The following BIRC6 variants were observed in gnomAD, a reference collection of about 807,000 sequenced individuals.
BIRC6 encodes the protein dual E2 ubiquitin-conjugating enzyme/E3 ubiquitin-protein ligase BIRC6.
BIRC6 carries 98 observed loss-of-function variants against 503.3 expected under a neutral mutation model. That is an observed-to-expected ratio of 0.19 (90% CI 0.17 to 0.23). The LOEUF (loss-of-function observed/expected upper bound fraction) is 0.23, where lower values mean the gene tolerates loss of function less well. BIRC6 is among the 10% of genes least tolerant of loss of function. The pLI, the probability that BIRC6 is intolerant of heterozygous loss-of-function variation, is 1.00. For missense variants in BIRC6, 5,360 were observed against 5,806.0 expected (o/e 0.92, Z 2.50); for synonymous variants, 2,240 against 2,078.7 (o/e 1.08, Z -2.11).
At chr2:32,546,569 A>T (rs1279055430) in intron 63 of BIRC6, among the ~76,000 whole-genome samples, 1 of 152,082 alleles carries the variant, frequency 6.6e-6, no homozygotes, top group Non-Finnish European at 1.5e-5. Context: ...GACAAGAGTG[A>T]AACTGTGTCT....
chr2:32,473,171 A>G lies in BIRC6; in HGVS notation c.6652A>G (p.Lys2218Glu). Residue 2218 changes from lysine to glutamate, a missense_variant, in exon 33 of 74, where the codon AAA becomes GAA. Lys to Glu is a moderately conservative substitution (Grantham distance 56). This residue lies in a region of BIRC6 where 2,299 missense variants were observed against 2,267.2 expected (regional missense o/e 1.01). Transcript: ENST00000421745. ...CACTCAGAGCTTAAATAGATCTTCTAAAGGCAGCAGTAGCCTTGATAGATT... is the reference window on the plus strand; with the variant it reads ...CACTCAGAGCTTAAATAGATCTTCTGAAGGCAGCAGTAGCCTTGATAGATT... ...LHTQSLNRSSKGSSSLDRLYS... is the reference protein window; with the variant it reads ...LHTQSLNRSSEGSSSLDRLYS... The G allele has an allele frequency of 3.2e-6, 5 of 1,574,078 alleles. No individual in the cohort carries two copies. The highest frequency in any genetic ancestry group is 4.3e-6 in the Non-Finnish European group (5 of 1,156,560).
chr2:32,414,664 C>T (rs1345333732), intron 9 of BIRC6, 105 bp from the exon 10 acceptor site: 35 of 905,168 alleles, frequency 3.9e-5, no homozygotes, highest in Non-Finnish European at 4.7e-5. Flanking sequence ...AAGAATTTGT[C>T]TCAAAAATAA....
rs2148946819 is a variant in BIRC6 at position 32,467,911 on chromosome 2, T to C, written c.5580T>C (p.Val1860=). 6.2e-7 allele frequency: 1 copy of C among 1,612,200 alleles called. No homozygotes were observed. The highest frequency in any genetic ancestry group is 8.5e-7 in the Non-Finnish European group (1 of 1,178,856). The change falls in exon 28 of 74, where the codon GTT becomes GTC. Residue 1860 remains valine (V), a synonymous_variant. Transcript: ENST00000421745. ...ATAATTTTTCATTTCAGATCACTGTTATTGGACGTTACGGGAGTACAAATG... is the reference window on the plus strand; with the variant it reads ...ATAATTTTTCATTTCAGATCACTGTCATTGGACGTTACGGGAGTACAAATG... ...PPVCRFMKIT[V]IGRYGSTNAR...
intron 22 of BIRC6, among the ~76,000 whole-genome samples, chr2:32,453,487 T>C (rs1325250926): frequency 1.3e-5 from 2 of 152,154 alleles, no homozygotes; most frequent in Non-Finnish European, 2.9e-5. Flanking sequence ...CCATTTGAGA[T>C]TGAAATTTTT....
chr2:32,594,238 C>T, intron 67 of BIRC6, 178 bp downstream of exon 67: 1 of 578,322 alleles, frequency 1.7e-6, no homozygotes, highest in South Asian at 3.1e-5. Flanking sequence ...CATGTATAGT[C>T]TAATTTTTAA....
At chr2:32,466,268 G>C (rs978355879) in intron 26 of BIRC6, among the ~76,000 whole-genome samples, 9 of 152,254 alleles carry the variant, frequency 5.9e-5, no homozygotes, top group African/African-American at 2.2e-4. Flanking sequence ...GGAAGAAAAA[G>C]AATTATGACA....
intron 30 of BIRC6, 31 bp downstream of exon 30, chr2:32,469,645 A>G: frequency 6.5e-7 from 1 of 1,533,850 alleles, no homozygotes; most frequent in Middle Eastern, 1.7e-4. Context: ...GGTATTTGTT[A>G]TTAATGATGT....
intron 65 of BIRC6, chr2:32,565,531 T>G (rs2150806360): frequency 6.6e-6 from 1 of 152,312 alleles, no homozygotes; most frequent in Non-Finnish European, 1.5e-5. Context: ...ATCCCTATAG[T>G]ACTAATCTAA....
At chr2:32,552,722 G>A (rs2058505698) in intron 65 of BIRC6, among the ~76,000 whole-genome samples, 1 of 152,080 alleles carries the variant, frequency 6.6e-6, no homozygotes, top group Non-Finnish European at 1.5e-5. Context: ...TTACTTGCAT[G>A]AGAGGTGGAG....
chr2:32,491,291 C>T (rs1433730558), intron 43 of BIRC6, 134 bp from the exon 44 acceptor site: 2 of 879,702 alleles, frequency 2.3e-6, no homozygotes, highest in Non-Finnish European at 3.3e-6. Flanking sequence ...ATAGTAGAAA[C>T]TGAAACCCCT....
At chr2:32,581,282 C>G (rs2060656139) in intron 66 of BIRC6, among the ~76,000 whole-genome samples, 3 of 152,098 alleles carry the variant, frequency 2.0e-5, no homozygotes, top group Non-Finnish European at 1.5e-5. Flanking sequence ...ATTTTGTGTC[C>G]TATCTACCCA....
At chr2:32,359,805 A>C (rs1168595772) in intron 1 of BIRC6, among the ~76,000 whole-genome samples, 3 of 152,008 alleles carry the variant, frequency 2.0e-5, no homozygotes, top group Non-Finnish European at 2.9e-5. Flanking sequence ...CCGGCCTCAA[A>C]TGATCCTCCC....
chr2:32,585,647 T>C (rs1456646056), intron 66 of BIRC6, among the ~76,000 whole-genome samples: 1 of 152,254 alleles, frequency 6.6e-6, no homozygotes, highest in Non-Finnish European at 1.5e-5. Context: ...CCCAAAGTGC[T>C]GGGATTACAG....
intron 61 of BIRC6, among the ~76,000 whole-genome samples, chr2:32,538,611 G>A (rs2057419898): frequency 6.6e-6 from 1 of 152,176 alleles, no homozygotes; most frequent in Non-Finnish European, 1.5e-5. Context: ...TTCAAATCAA[G>A]AGTTGATAGA....
intron 46 of BIRC6, among the ~76,000 whole-genome samples, chr2:32,501,368 T>C (rs1460167452): frequency 1.3e-5 from 2 of 152,198 alleles, no homozygotes; most frequent in Admixed American, 6.5e-5. Context: ...CTTATTTTTA[T>C]TGTTGGTGAT....
At chr2:32,534,595 G>T (rs2057050622) in intron 61 of BIRC6, among the ~76,000 whole-genome samples, 2 of 151,622 alleles carry the variant, frequency 1.3e-5, no homozygotes, top group South Asian at 4.2e-4. Context: ...GCTGGGCGTG[G>T]TGGTGGACGC....
At chr2:32,510,172 G>T (rs1034431664) in intron 52 of BIRC6, among the ~76,000 whole-genome samples, 178 bp downstream of exon 52, 18 of 152,176 alleles carry the variant, frequency 1.2e-4, no homozygotes, top group Admixed American at 1.2e-3. Flanking sequence ...GTGCAGTGGC[G>T]CAATCTTGGC....
rs1321906859 is a variant in BIRC6, at chr2:32,515,567, C to G, written c.11146C>G (p.Leu3716Val). The G allele has an allele frequency of 6.2e-7, 1 of 1,613,950 alleles. No homozygotes were observed. The highest frequency in any genetic ancestry group is 1.7e-5 in the Admixed American group (1 of 60,024). Residue 3716 changes from leucine to valine, a missense_variant, in exon 55 of 74, where the codon CTG becomes GTG. Physicochemically the swap from Leu to Val is conservative, Grantham distance 32. This residue lies in a region of BIRC6 where 878 missense variants were observed against 928.9 expected (regional missense o/e 0.95). Coordinates refer to ENST00000421745, the MANE Select transcript of BIRC6 (RefSeq NM_016252.4). ...SEVNPLWTAL[L>V]FLLCHSGSTS... ...AGTCAATCCACTATGGACAGCACTT[C>G]TGTTTTTATTGTGTCACTCTGGGTC... is the stretch of plus-strand genomic sequence containing the variant.
chr2:32,596,596 C>G (rs1469494742), intron 68 of BIRC6, among the ~76,000 whole-genome samples: 1 of 152,082 alleles, frequency 6.6e-6, no homozygotes, highest in Non-Finnish European at 1.5e-5. Context: ...CTCACTAAGT[C>G]CAGCCAACAC....
Sources: allele counts gnomAD v4.1 joint callset (sites outside exome capture counted in the v4.1 genomes callset), GRCh38; gene constraint gnomAD v4.1.1; regional missense constraint gnomAD v4.1.1; transcripts MANE v1.5; gene names NCBI Gene and HGNC (gene_info 2026-07-23, HGNC 2026-07-21).